DOCK3: variants seen among roughly 807,000 people sequenced by gnomAD.
DOCK3 encodes the protein dedicator of cytokinesis protein 3.
In DOCK3, 60 loss-of-function variants were observed where a neutral mutation model predicts 265.6. That is an observed-to-expected ratio of 0.23 (90% confidence interval 0.18 to 0.28). DOCK3 has a LOEUF of 0.28. Among genes scored for constraint, DOCK3 ranks in the 10% least tolerant of loss-of-function variants. The probability of loss-of-function intolerance (pLI) is 1.00; values close to 1 mark genes in which losing one functional copy is unlikely to be tolerated. For missense variants in DOCK3, 1,981 were observed against 2,594.3 expected (o/e 0.76, Z 5.14); for synonymous variants, 881 against 938.0 (o/e 0.94, Z 1.11).
At chr3:50,945,896 G>A (rs1187605419) in intron 5 of DOCK3, among the ~76,000 whole-genome samples, 1 of 151,912 alleles carries the variant, frequency 6.6e-6, no homozygotes, top group African/African-American at 2.4e-5. Context: ...GGGATAATGG[G>A]ACCCACATTC....
chr3:51,133,528 G>A (rs1390044117), intron 9 of DOCK3, among the ~76,000 whole-genome samples: 1 of 152,010 alleles, frequency 6.6e-6, no homozygotes, highest in African/African-American at 2.4e-5. Context: ...GTTCCATGGT[G>A]TATATGTGCC....
At chr3:51,280,586 A>G (rs2081056500) in intron 27 of DOCK3, among the ~76,000 whole-genome samples, 1 of 152,072 alleles carries the variant, frequency 6.6e-6, no homozygotes, top group Non-Finnish European at 1.5e-5. Context: ...TAATAATAAT[A>G]ATGGTGTCAA....
At chr3:51,007,776 C>A (rs1488256800) in intron 5 of DOCK3, among the ~76,000 whole-genome samples, 3 of 152,138 alleles carry the variant, frequency 2.0e-5, no homozygotes, top group Non-Finnish European at 4.4e-5. Flanking sequence ...AGTCTTTAAT[C>A]CATCTTGAAT....
chr3:50,945,520 A>G (rs2076403839), intron 5 of DOCK3, among the ~76,000 whole-genome samples: 1 of 152,192 alleles, frequency 6.6e-6, no homozygotes. Context: ...TAAGAAATGA[A>G]CAATTTCTAG....
chr3:50,842,847 A>T (rs973886894), intron 3 of DOCK3, among the ~76,000 whole-genome samples: 1 of 152,200 alleles, frequency 6.6e-6, no homozygotes, highest in South Asian at 2.1e-4. Flanking sequence ...ATTGTTGAAA[A>T]GTTAGAACTG....
At chr3:51,009,706 G>T (rs564086423) in intron 5 of DOCK3, among the ~76,000 whole-genome samples, 7 of 151,898 alleles carry the variant, frequency 4.6e-5, no homozygotes, top group African/African-American at 1.2e-4. Context: ...TTAATTGTGG[G>T]GTTAGGGTGT....
chr3:51,323,613 A>T (rs760574771), intron 32 of DOCK3, among the ~76,000 whole-genome samples: 2 of 152,224 alleles, frequency 1.3e-5, no homozygotes, highest in African/African-American at 4.8e-5. Context: ...GAAGGCAGAA[A>T]TAAAGATGTG....
intron 32 of DOCK3, among the ~76,000 whole-genome samples, chr3:51,317,529 A>G (rs2083435677): frequency 6.7e-6 from 1 of 150,108 alleles, no homozygotes; most frequent in Non-Finnish European, 1.5e-5. Context: ...GCAGTGAGCC[A>G]AGATCGCACC....
intron 12 of DOCK3, among the ~76,000 whole-genome samples, chr3:51,203,860 G>A (rs1397017270): frequency 9.9e-5 from 15 of 152,070 alleles, no homozygotes; most frequent in South Asian, 2.1e-4. Flanking sequence ...AAATAACTCC[G>A]CGTATCTACA....
chr3:50,763,228 C>T (rs2040639809), intron 1 of DOCK3, among the ~76,000 whole-genome samples: 1 of 152,116 alleles, frequency 6.6e-6, no homozygotes, highest in Non-Finnish European at 1.5e-5. Context: ...ATTGTGATTA[C>T]TGCCTCAATC....
chr3:51,125,527 C>CTG (rs2084227633), intron 9 of DOCK3, among the ~76,000 whole-genome samples: 1 of 152,116 alleles, frequency 6.6e-6, no homozygotes. Context: ...CTGTCTTGTG[C>CTG]TGTGACATGT....
intron 2 of DOCK3, among the ~76,000 whole-genome samples, chr3:50,817,502 G>A (rs1184703347): frequency 6.6e-6 from 1 of 151,444 alleles, no homozygotes; most frequent in Non-Finnish European, 1.5e-5. Context: ...CCCCTGTGTT[G>A]CGCAGGCTAG....
At chr3:51,175,777 T>A (rs1479134457) in intron 12 of DOCK3, among the ~76,000 whole-genome samples, 2 of 152,194 alleles carry the variant, frequency 1.3e-5, no homozygotes, top group Non-Finnish European at 2.9e-5. Context: ...AAGAAGGTTC[T>A]GGTCTTTGTA....
At chr3:50,769,882 T>C (rs549361460) in intron 1 of DOCK3, among the ~76,000 whole-genome samples, 30 of 151,264 alleles carry the variant, frequency 2.0e-4, no homozygotes, top group African/African-American at 7.3e-4. Context: ...GGTGTCTAAA[T>C]TGGGAAGGAG....
intron 27 of DOCK3, among the ~76,000 whole-genome samples, chr3:51,308,799 C>A (rs1275786556): frequency 2.8e-5 from 4 of 140,676 alleles, no homozygotes; most frequent in Non-Finnish European, 6.6e-5. Context: ...GGGCAGCTGC[C>A]GGGCGGAGGG....
chr3:50,922,004 A>T (rs1468751640), intron 4 of DOCK3, among the ~76,000 whole-genome samples: 2 of 152,144 alleles, frequency 1.3e-5, no homozygotes, highest in Non-Finnish European at 1.5e-5. Flanking sequence ...TCAGCGGTAA[A>T]GGACCCACTT....
chr3:50,986,159 C>T (rs1378681512), intron 5 of DOCK3, among the ~76,000 whole-genome samples: 1 of 151,972 alleles, frequency 6.6e-6, no homozygotes, highest in Non-Finnish European at 1.5e-5. Flanking sequence ...CCAGATCCTC[C>T]CTTAGGACCC....
intron 1 of DOCK3, among the ~76,000 whole-genome samples, chr3:50,688,074 A>G (rs917681021): frequency 2.0e-5 from 3 of 152,322 alleles, no homozygotes; most frequent in South Asian, 2.1e-4. Flanking sequence ...AACATGTGCC[A>G]CATTTTGAAC....
chr3:50,798,039 T>G (rs1330436187), intron 2 of DOCK3, among the ~76,000 whole-genome samples: 1 of 152,218 alleles, frequency 6.6e-6, no homozygotes, highest in Non-Finnish European at 1.5e-5. Context: ...GAATAGCTCA[T>G]TTTGTATTCT....
Sources: gnomAD v4.1 joint callset for allele counts (sites outside exome capture counted in the v4.1 genomes callset) on GRCh38, gnomAD v4.1.1 for gene constraint, MANE v1.5 for transcripts, NCBI Gene and HGNC (gene_info 2026-07-23, HGNC 2026-07-21) for gene names.